Variants in CFAP61 observed in about 807,000 individuals in gnomAD.
CFAP61 encodes cilia- and flagella-associated protein 61.
CFAP61 carries 107 observed loss-of-function variants against 135.6 expected under a neutral mutation model. The ratio of observed to expected loss-of-function variants is 0.79; its 90% CI spans 0.67 to 0.93. The LOEUF is 0.93. CFAP61 is among the 40% of genes least tolerant of loss of function. The pLI is 0.00. For missense variants in CFAP61, 1,507 were observed against 1,556.2 expected (o/e 0.97, Z 0.53); for synonymous variants, 575 against 578.5 (o/e 0.99, Z 0.09).
At chr20:20,339,276 G>A (rs1397450649) in intron 25 of CFAP61, among the ~76,000 whole-genome samples, 1 of 152,066 alleles carries the variant, frequency 6.6e-6, no homozygotes, top group Non-Finnish European at 1.5e-5. Context: ...AATATTCATG[G>A]AAATACAAAT....
chr20:20,171,363 C>T (rs1399914142), intron 13 of CFAP61, among the ~76,000 whole-genome samples: 1 of 152,136 alleles, frequency 6.6e-6, no homozygotes, highest in Non-Finnish European at 1.5e-5. Context: ...TCTTATTGCC[C>T]CTCCATTCCA....
At chr20:20,321,322 C>T (rs114699092) in intron 25 of CFAP61, among the ~76,000 whole-genome samples, 1,971 of 152,188 alleles carry the variant, frequency 0.013, 31 homozygotes, top group African/African-American at 0.045. Flanking sequence ...AGCAATGACA[C>T]AACATGGGCC....
At chr20:20,162,508 GC>G (rs1261070486) in intron 10 of CFAP61, among the ~76,000 whole-genome samples, 2 of 152,126 alleles carry the variant, frequency 1.3e-5, no homozygotes, top group Non-Finnish European at 2.9e-5. Context: ...GCCCCAGTTA[GC>G]CAGTGTCTGT....
Sources: gnomAD v4.1 joint callset for allele counts (sites outside exome capture counted in the v4.1 genomes callset) on GRCh38, gnomAD v4.1.1 for gene constraint, MANE v1.5 for transcripts, NCBI Gene and HGNC (gene_info 2026-07-23, HGNC 2026-07-21) for gene names.